LYN: variants seen among roughly 807,000 people sequenced by gnomAD.
The protein encoded by LYN is tyrosine-protein kinase Lyn.
In LYN, 12 loss-of-function variants were observed where a neutral mutation model predicts 65.0. The ratio of observed to expected loss-of-function variants is 0.18; its 90% CI spans 0.12 to 0.30. The LOEUF is 0.30. LYN is among the 10% of genes least tolerant of loss of function. The pLI is 1.00. For missense variants in LYN, 380 were observed against 623.2 expected, an observed-to-expected ratio of 0.61 and a Z score of 4.16; for synonymous variants, 222 against 221.2, an observed-to-expected ratio of 1.00 and a Z score of -0.03.
Position 56,009,931 on chromosome 8 carries a change from A to T in LYN, c.1360A>T (p.Thr454Ser). The T allele has an allele frequency of 6.2e-7, 1 of 1,613,920 alleles. No homozygotes were observed. Among genetic ancestry groups the T allele is most frequent in the Non-Finnish European group, 8.5e-7 (1 of 1,179,842 alleles). ...YPGRTNADVM[T>S]ALSQGYRMPR... is the part of the protein sequence containing the mutation. ...AGGGAGAACTAATGCCGACGTGATG[A>T]CCGCCCTGTCCCAGGGCTACAGGAT... The change falls in exon 13 of 13, where the codon ACC becomes TCC. Residue 454 changes from threonine to serine, a missense_variant. Coordinates refer to ENST00000519728, the MANE Select transcript of LYN (RefSeq NM_002350.4).
chr8:56,004,079 T>C (rs1248735282), intron 12 of LYN, among the ~76,000 whole-genome samples: 1 of 151,456 alleles, frequency 6.6e-6, no homozygotes, highest in Non-Finnish European at 1.5e-5. Flanking sequence ...ATTACAGGCA[T>C]GTGCCACCAT....
chr8:55,933,076 T>C (rs72651488), intron 1 of LYN, among the ~76,000 whole-genome samples: 16,097 of 152,212 alleles, frequency 0.11, 1,176 homozygotes, highest in Middle Eastern at 0.28. Flanking sequence ...AACATACCCA[T>C]GTAACAAACC....
At chr8:55,969,865 T>A in intron 10 of LYN, 72 bp downstream of exon 10, 2 of 1,287,348 alleles carry the variant, frequency 1.6e-6, no homozygotes, top group Non-Finnish European at 2.3e-6. Context: ...CATGAAGGAG[T>A]TATTGTTCCA....
At chr8:55,912,233 C>T (rs1180563860) in intron 1 of LYN, among the ~76,000 whole-genome samples, 6 of 152,258 alleles carry the variant, frequency 3.9e-5, no homozygotes, top group Non-Finnish European at 7.4e-5. Context: ...GCCCCTTTTG[C>T]AATGTATCAT....
chr8:55,883,743 C>A (rs1349652593), intron 1 of LYN, among the ~76,000 whole-genome samples: 2 of 152,222 alleles, frequency 1.3e-5, no homozygotes, highest in East Asian at 1.9e-4. Flanking sequence ...AACACCTGAT[C>A]ATTTTGAGCA....
intron 9 of LYN, among the ~76,000 whole-genome samples, chr8:55,967,208 AGG>A (rs1448551115): frequency 6.6e-6 from 1 of 151,702 alleles, no homozygotes; most frequent in Non-Finnish European, 1.5e-5. Flanking sequence ...TATTTCAAAA[AGG>A]AATTTTTGAA....
chr8:55,944,536 A>G (rs571507402), intron 2 of LYN, among the ~76,000 whole-genome samples: 30 of 152,268 alleles, frequency 2.0e-4, no homozygotes, highest in African/African-American at 6.7e-4. Flanking sequence ...GCTGGAGTGC[A>G]ATGGCACCAT....
chr8:55,992,252 G>A (rs553660374), intron 10 of LYN, among the ~76,000 whole-genome samples: 23 of 152,208 alleles, frequency 1.5e-4, no homozygotes, highest in East Asian at 5.8e-4. Context: ...AGATTTTATC[G>A]GTTTCCCAAG....
intron 12 of LYN, among the ~76,000 whole-genome samples, chr8:56,004,929 C>T (rs1295824833): frequency 1.3e-5 from 2 of 152,066 alleles, no homozygotes; most frequent in East Asian, 1.9e-4. Flanking sequence ...GGACTACAGG[C>T]GCATGCCACC....
chr8:55,991,325 C>G (rs574331649), intron 10 of LYN, among the ~76,000 whole-genome samples: 13 of 152,342 alleles, frequency 8.5e-5, no homozygotes, highest in African/African-American at 3.1e-4. Context: ...CTCTCTTTCT[C>G]TGGTCCACTT....
chr8:55,999,881 G>A (rs1490254710), intron 12 of LYN, among the ~76,000 whole-genome samples: 2 of 151,796 alleles, frequency 1.3e-5, no homozygotes, highest in African/African-American at 4.8e-5. Context: ...TGAGACAGGA[G>A]AATTGCTTGA....
intron 1 of LYN, among the ~76,000 whole-genome samples, chr8:55,890,408 C>T (rs756721138): frequency 3.3e-5 from 5 of 151,946 alleles, no homozygotes; most frequent in Non-Finnish European, 5.9e-5. Context: ...TAAAAAAGAA[C>T]ACAACAACAA....
intron 10 of LYN, among the ~76,000 whole-genome samples, chr8:55,982,439 T>G (rs1402770947): frequency 2.6e-5 from 4 of 152,210 alleles, no homozygotes; most frequent in Non-Finnish European, 4.4e-5. Flanking sequence ...TGTAGTATTG[T>G]CAATGGAACC....
chr8:55,952,912 GC>G (rs1806991372), intron 7 of LYN, among the ~76,000 whole-genome samples: 2 of 152,190 alleles, frequency 1.3e-5, no homozygotes, highest in African/African-American at 4.8e-5. Context: ...GTCCTGAGAA[GC>G]CTGGGCCTGA....
chr8:55,885,311 T>C (rs535702644), intron 1 of LYN, among the ~76,000 whole-genome samples: 53 of 152,314 alleles, frequency 3.5e-4, no homozygotes, highest in African/African-American at 1.2e-3. Context: ...TCTTCACAGC[T>C]CAGATAGTTT....
intron 1 of LYN, among the ~76,000 whole-genome samples, chr8:55,926,074 T>C (rs888355864): frequency 5.9e-5 from 9 of 152,248 alleles, no homozygotes; most frequent in African/African-American, 2.2e-4. Flanking sequence ...TAAGAAATCT[T>C]TATCACTTTC....
At chr8:55,897,937 C>T (rs1805164841) in intron 1 of LYN, among the ~76,000 whole-genome samples, 1 of 151,840 alleles carries the variant, frequency 6.6e-6, no homozygotes, top group Non-Finnish European at 1.5e-5. Flanking sequence ...ACAACAAAAA[C>T]TTTTAAAGAT....
At chr8:55,992,687 A>G (rs1203895812) in intron 10 of LYN, among the ~76,000 whole-genome samples, 2 of 152,202 alleles carry the variant, frequency 1.3e-5, no homozygotes, top group African/African-American at 2.4e-5. Flanking sequence ...TTTCAAGCCT[A>G]TGATCTAGTG....
chr8:55,898,474 A>G (rs932845509), intron 1 of LYN, among the ~76,000 whole-genome samples: 3 of 152,094 alleles, frequency 2.0e-5, no homozygotes, highest in Non-Finnish European at 4.4e-5. Flanking sequence ...TTTTTGGTAG[A>G]GACAAAGTCT....
Sources: allele counts gnomAD v4.1 joint callset (sites outside exome capture counted in the v4.1 genomes callset), GRCh38; gene constraint gnomAD v4.1.1; transcripts MANE v1.5; gene names NCBI Gene and HGNC (gene_info 2026-07-23, HGNC 2026-07-21).